Variants in NDUFA5 observed in about 807,000 individuals in gnomAD.
NDUFA5 encodes the protein NADH:ubiquinone oxidoreductase subunit A5.
A neutral mutation model predicts 19.8 loss-of-function variants in NDUFA5; 11 were observed. That is an observed-to-expected ratio of 0.56 (90% confidence interval 0.35 to 0.92). NDUFA5 has a LOEUF of 0.92. NDUFA5 is among the 40% of genes least tolerant of loss of function. The probability of loss-of-function intolerance (pLI) is 0.01; values close to 1 mark genes in which losing one functional copy is unlikely to be tolerated. For missense variants in NDUFA5, 109 were observed against 134.2 expected (o/e 0.81, Z 0.93); for synonymous variants, 47 against 46.8 (o/e 1.00, Z -0.01).
upstream of NDUFA5, chr7:123,557,834 A>G: frequency 6.2e-7 from 1 of 1,614,012 alleles, no homozygotes; most frequent in Non-Finnish European, 8.5e-7. Context: ...ACCCTTTGGG[A>G]ACAATTCTCA....
chr7:123,554,242 G>C (rs1273916767), intron 2 of NDUFA5, among the ~76,000 whole-genome samples: 1 of 152,072 alleles, frequency 6.6e-6, no homozygotes, highest in Non-Finnish European at 1.5e-5. Context: ...CAATATTTTA[G>C]ATTTGTTAGG....
At chr7:123,580,459 T>C in the NDUFA5 span, among the ~76,000 whole-genome samples, 1 of 152,014 alleles carries the variant, frequency 6.6e-6, no homozygotes, top group Admixed American at 6.6e-5. Flanking sequence ...CTCAGGGTAG[T>C]TATGTGGCCT....
chr7:123,594,880 C>T, the NDUFA5 span, among the ~76,000 whole-genome samples: 2 of 152,182 alleles, frequency 1.3e-5, no homozygotes, highest in Non-Finnish European at 2.9e-5. Flanking sequence ...TCAGATAGGC[C>T]CTGCCCCCAG....
chr7:123,551,584 A>C (rs1355713631), intron 2 of NDUFA5: 2 of 771,534 alleles, frequency 2.6e-6, no homozygotes, highest in African/African-American at 3.8e-5. Flanking sequence ...TTTCTGTAGA[A>C]ATAAACACAT....
chr7:123,578,310 T>C, the NDUFA5 span, among the ~76,000 whole-genome samples: 1 of 151,692 alleles, frequency 6.6e-6, no homozygotes, highest in African/African-American at 2.4e-5. Flanking sequence ...TTCTCTATGT[T>C]GCTCAAAAAT....
the NDUFA5 span, among the ~76,000 whole-genome samples, chr7:123,581,196 G>A: frequency 6.6e-6 from 1 of 151,840 alleles, no homozygotes; most frequent in Non-Finnish European, 1.5e-5. Flanking sequence ...CATGAACACC[G>A]TTCAGAGGAC....
the NDUFA5 span, among the ~76,000 whole-genome samples, chr7:123,590,439 G>A: frequency 2.8e-4 from 43 of 152,100 alleles, no homozygotes; most frequent in African/African-American, 1.0e-3. Flanking sequence ...TTCTTCTAGG[G>A]CTTTTATGGT....
the NDUFA5 span, among the ~76,000 whole-genome samples, chr7:123,597,368 G>A: frequency 2.0e-5 from 3 of 152,106 alleles, no homozygotes; most frequent in South Asian, 6.2e-4. Context: ...ATTGATGCTA[G>A]TATGTTGTTA....
chr7:123,584,946 T>C, the NDUFA5 span: 1 of 151,942 alleles, frequency 6.6e-6, no homozygotes, highest in Admixed American at 6.6e-5. Context: ...AGGGATCTTT[T>C]CTTAGTGCAC....
chr7:123,601,563 T>C, the NDUFA5 span, among the ~76,000 whole-genome samples: 113 of 152,324 alleles, frequency 7.4e-4, no homozygotes, highest in Middle Eastern at 3.4e-3. Flanking sequence ...AAATTGTGCG[T>C]TAATTCCAAG....
At chr7:123,564,916 CACACAT>C in the NDUFA5 span, among the ~76,000 whole-genome samples, 11 of 151,758 alleles carry the variant, frequency 7.2e-5, no homozygotes, top group African/African-American at 2.7e-4. Context: ...CACACACACA[CACACAT>C]ATATATACAC....
the NDUFA5 span, among the ~76,000 whole-genome samples, chr7:123,576,512 T>A: frequency 6.6e-6 from 1 of 152,176 alleles, no homozygotes; most frequent in African/African-American, 2.4e-5. Flanking sequence ...ATTTCTCACT[T>A]TAAAATAAGT....
Position 123,538,619 on chromosome 7 carries a change from A to G in NDUFA5, c.*3500T>C, listed in dbSNP as rs1275631799. The G allele has an allele frequency of 3.3e-5, 5 of 152,196 alleles. No homozygotes were observed. Among genetic ancestry groups the G allele is most frequent in the African/African-American group, 1.2e-4 (5 of 41,426 alleles). The allele number at this position is 152,196 out of a possible 1,614,324, so 9.4% of individuals were successfully genotyped here. On this transcript the variant is annotated 3_prime_UTR_variant, in exon 5 of 5. Transcript: ENST00000355749. ...TGGCCAGGCTGGCCTCGAACTTTTG[A>G]CCTCAAGTGATCCACCCACCTCGGC...
At chr7:123,586,875 T>A in the NDUFA5 span, among the ~76,000 whole-genome samples, 6 of 151,786 alleles carry the variant, frequency 4.0e-5, no homozygotes, top group Non-Finnish European at 7.4e-5. Flanking sequence ...ATGGGTTTAT[T>A]TCTAGGCTCT....
At chr7:123,596,234 G>A in the NDUFA5 span, 1 of 152,074 alleles carries the variant, frequency 6.6e-6, no homozygotes, top group Admixed American at 6.5e-5. Context: ...TACACAAAGT[G>A]GTGGCTCCAA....
At chr7:123,567,502 C>T in the NDUFA5 span, among the ~76,000 whole-genome samples, 1 of 152,218 alleles carries the variant, frequency 6.6e-6, no homozygotes, top group Non-Finnish European at 1.5e-5. Context: ...AGAGTTAGGA[C>T]TTCCTACGCT....
chr7:123,591,683 T>C, the NDUFA5 span, among the ~76,000 whole-genome samples: 44,769 of 151,990 alleles, frequency 0.29, 6,736 homozygotes, highest in East Asian at 0.4. Flanking sequence ...TTTTGACGTG[T>C]TGCTGGATTC....
chr7:123,571,118 A>T, the NDUFA5 span, among the ~76,000 whole-genome samples: 1 of 152,340 alleles, frequency 6.6e-6, no homozygotes, highest in African/African-American at 2.4e-5. Flanking sequence ...GGAATAAATG[A>T]TCATTTCTTT....
chr7:123,580,997 C>T, the NDUFA5 span, among the ~76,000 whole-genome samples: 8 of 151,944 alleles, frequency 5.3e-5, no homozygotes, highest in African/African-American at 1.7e-4. Flanking sequence ...CAACAGGCGT[C>T]CATTCCTGTG....
Sources: allele counts gnomAD v4.1 joint callset (sites outside exome capture counted in the v4.1 genomes callset), GRCh38; gene constraint gnomAD v4.1.1; transcripts MANE v1.5; gene names NCBI Gene and HGNC (gene_info 2026-07-23, HGNC 2026-07-21).